Variants in COL26A1 observed in about 807,000 individuals in gnomAD.
COL26A1 encodes collagen type XXVI alpha 1 chain.
Under a neutral mutation model 59.3 loss-of-function variants are expected in COL26A1, and 41 were observed. The ratio of observed to expected loss-of-function variants is 0.69; its 90% confidence interval spans 0.54 to 0.90. The LOEUF is 0.90. COL26A1 is among the 40% of genes least tolerant of loss of function. The pLI is 0.00. For synonymous variants in COL26A1, 266 were observed against 256.0 expected, an observed-to-expected ratio of 1.04 and a Z score of -0.37; for missense variants, 612 against 602.3, an observed-to-expected ratio of 1.02 and a Z score of -0.17.
At chr7:101,432,435 G>A (rs1792804386) in intron 2 of COL26A1, among the ~76,000 whole-genome samples, 1 of 152,170 alleles carries the variant, frequency 6.6e-6, no homozygotes, top group Non-Finnish European at 1.5e-5. Flanking sequence ...CTTAATGGCA[G>A]GGAGCAATCA....
intron 1 of COL26A1, among the ~76,000 whole-genome samples, chr7:101,363,548 G>A (rs1363332806): frequency 3.7e-5 from 5 of 136,906 alleles, no homozygotes; most frequent in African/African-American, 1.3e-4. Context: ...GGCGGCGGGG[G>A]TTGGGGGCTG....
At chr7:101,513,898 A>G (rs1054899657) in intron 3 of COL26A1, among the ~76,000 whole-genome samples, 3 of 152,224 alleles carry the variant, frequency 2.0e-5, no homozygotes, top group Non-Finnish European at 4.4e-5. Flanking sequence ...ACTCCTATGC[A>G]TCAAAATGAA....
chr7:101,401,723 GGAGAAGGAA>G (rs1467174896), intron 1 of COL26A1, among the ~76,000 whole-genome samples: 3 of 149,562 alleles, frequency 2.0e-5, no homozygotes, highest in Non-Finnish European at 4.4e-5. Context: ...AGGAAGAGGA[GGAGAAGGAA>G]GAGAAGGAGG....
intron 3 of COL26A1, among the ~76,000 whole-genome samples, chr7:101,518,468 A>G (rs1795075793): frequency 2.0e-5 from 3 of 152,164 alleles, no homozygotes; most frequent in African/African-American, 7.2e-5. Context: ...ATGAAGAGCA[A>G]TGGCAGCGCC....
At chr7:101,387,156 C>T (rs139993142) in intron 1 of COL26A1, among the ~76,000 whole-genome samples, 1 of 152,112 alleles carries the variant, frequency 6.6e-6, no homozygotes, top group Non-Finnish European at 1.5e-5. Context: ...CCACGGGATG[C>T]AAGCTGACAC....
At chr7:101,526,464 A>G (rs1795250497) in intron 3 of COL26A1, among the ~76,000 whole-genome samples, 1 of 152,154 alleles carries the variant, frequency 6.6e-6, no homozygotes, top group South Asian at 2.1e-4. Context: ...CCTCTCACAG[A>G]GGGAGCTGGG....
At chr7:101,508,876 G>T (rs1376786768) in intron 3 of COL26A1, among the ~76,000 whole-genome samples, 4 of 151,922 alleles carry the variant, frequency 2.6e-5, no homozygotes, top group Non-Finnish European at 4.4e-5. Flanking sequence ...ACAGAAAAGA[G>T]GTTTGTTCCA....
At chr7:101,401,514 A>G (rs1354812184) in intron 1 of COL26A1, among the ~76,000 whole-genome samples, 1 of 144,534 alleles carries the variant, frequency 6.9e-6, no homozygotes, top group Non-Finnish European at 1.5e-5. Flanking sequence ...GAGGAGGGGG[A>G]GCAGGAGGAC....
chr7:101,385,262 CAT>C (rs200945469), intron 1 of COL26A1, among the ~76,000 whole-genome samples: 5,225 of 149,104 alleles, frequency 0.035, 171 homozygotes, highest in East Asian at 0.079. Context: ...CACACACACA[CAT>C]ATATATGTGT....
At chr7:101,407,858 A>G (rs916754853) in intron 1 of COL26A1, among the ~76,000 whole-genome samples, 15 of 152,128 alleles carry the variant, frequency 9.9e-5, no homozygotes, top group Admixed American at 9.8e-4. Context: ...CCACTTAATC[A>G]TATGCAAATT....
At chr7:101,448,416 A>C (rs1793252527) in intron 3 of COL26A1, among the ~76,000 whole-genome samples, 5 of 152,014 alleles carry the variant, frequency 3.3e-5, no homozygotes, top group Non-Finnish European at 5.9e-5. Flanking sequence ...CCTAATGAAC[A>C]AGTTTGCAGC....
At chr7:101,412,124 C>T (rs1481061575) in intron 1 of COL26A1, among the ~76,000 whole-genome samples, 1 of 151,970 alleles carries the variant, frequency 6.6e-6, no homozygotes, top group Non-Finnish European at 1.5e-5. Flanking sequence ...GAACTTGACT[C>T]CAGGGGCAGA....
At chr7:101,364,315 T>C (rs1162071260) in intron 1 of COL26A1, among the ~76,000 whole-genome samples, 1 of 149,944 alleles carries the variant, frequency 6.7e-6, no homozygotes, top group Non-Finnish European at 1.5e-5. Flanking sequence ...CCTGTGTCTG[T>C]TCCCTCCGTC....
chr7:101,527,375 T>C (rs747314204), intron 3 of COL26A1, among the ~76,000 whole-genome samples: 1 of 152,172 alleles, frequency 6.6e-6, no homozygotes, highest in Non-Finnish European at 1.5e-5. Flanking sequence ...GTTGCCAGAC[T>C]GGAGTGCAGT....
intron 3 of COL26A1, among the ~76,000 whole-genome samples, chr7:101,460,303 G>A (rs960237420): frequency 2.0e-5 from 3 of 152,112 alleles, no homozygotes; most frequent in African/African-American, 7.2e-5. Context: ...TTGAGGTGTT[G>A]TGAGATTCAC....
intron 3 of COL26A1, among the ~76,000 whole-genome samples, chr7:101,498,425 G>C (rs1794633195): frequency 6.6e-6 from 1 of 152,192 alleles, no homozygotes; most frequent in South Asian, 2.1e-4. Flanking sequence ...AGTTACACCA[G>C]AATGATAGAG....
At chr7:101,541,353 AT>A (rs1346597986) in intron 5 of COL26A1, among the ~76,000 whole-genome samples, 1 of 151,902 alleles carries the variant, frequency 6.6e-6, no homozygotes, top group Non-Finnish European at 1.5e-5. Context: ...TTATTTTATT[AT>A]TTTATTTTGA....
chr7:101,435,827 C>A (rs1367528571), intron 2 of COL26A1, among the ~76,000 whole-genome samples: 1 of 152,182 alleles, frequency 6.6e-6, no homozygotes, highest in Non-Finnish European at 1.5e-5. Flanking sequence ...TCCAGATGTG[C>A]TGAGCAGAGG....
At chr7:101,513,375 T>C (rs971606582) in intron 3 of COL26A1, among the ~76,000 whole-genome samples, 9 of 149,600 alleles carry the variant, frequency 6.0e-5, no homozygotes, top group African/African-American at 2.2e-4. Context: ...CCCACGCCAC[T>C]GAGTGCAGCA....
Sources: allele counts gnomAD v4.1 joint callset (sites outside exome capture counted in the v4.1 genomes callset), GRCh38; gene constraint gnomAD v4.1.1; transcripts MANE v1.5; gene names NCBI Gene and HGNC (gene_info 2026-07-23, HGNC 2026-07-21).